Variants in IYD observed in about 807,000 individuals in gnomAD.
The protein encoded by IYD is iodotyrosine deiodinase 1.
IYD carries 25 observed loss-of-function variants against 28.4 expected under a neutral mutation model. The observed-to-expected ratio is 0.88, with a 90% CI of 0.64 to 1.23. IYD has a LOEUF of 1.23. IYD is among the 50% of genes most tolerant of loss of function. The pLI is 0.00. For synonymous variants in IYD, 140 were observed against 130.8 expected, an observed-to-expected ratio of 1.07 and a Z score of -0.48; for missense variants, 352 against 357.9, an observed-to-expected ratio of 0.98 and a Z score of 0.13.
At chr6:150,378,240 A>C (rs1777519685) in intron 1 of IYD, among the ~76,000 whole-genome samples, 1 of 150,660 alleles carries the variant, frequency 6.6e-6, no homozygotes, top group Non-Finnish European at 1.5e-5. Flanking sequence ...CAGGTTAGTT[A>C]CATATGTATA....
At chr6:150,390,802 GA>G in intron 2 of IYD, among the ~76,000 whole-genome samples, 1 of 152,166 alleles carries the variant, frequency 6.6e-6, no homozygotes, top group Non-Finnish European at 1.5e-5. Flanking sequence ...CACAGGAATT[GA>G]GGCTCCTTGG....
intron 4 of IYD, chr6:150,396,575 C>A: frequency 1.5e-6 from 1 of 650,874 alleles, no homozygotes. Context: ...AATATTTTCT[C>A]AAAAAAGTTT....
In IYD at chr6:150,372,248, G is replaced by C. The variant is rs140401476; in HGVS notation, c.178+3039G>C. Among the ~76,000 whole-genome samples, 43 of 151,892 alleles carry C rather than the reference G, an allele frequency of 2.8e-4. No homozygotes were observed. The East Asian group carries it at 5.8e-3, about 21-fold the overall frequency. On this transcript the variant is annotated intron_variant, in intron 1 of 4. Coordinates refer to ENST00000344419, the MANE Select transcript of IYD (RefSeq NM_203395.3). Reference sequence around the variant, plus strand: ...TGTTCACAGGTCAGAGAATCGGCATGTGTGTGTGTGGGTGGGTTGTGGGGT... The same window carrying C: ...TGTTCACAGGTCAGAGAATCGGCATCTGTGTGTGTGGGTGGGTTGTGGGGT...
intron 4 of IYD, 48 bp from the exon 5 acceptor site, chr6:150,398,003 GCAGT>G: frequency 6.5e-7 from 1 of 1,540,638 alleles, no homozygotes; most frequent in East Asian, 2.2e-5. Context: ...TAGAGGGAGA[GCAGT>G]CATTCTGCCT....
intron 1 of IYD, among the ~76,000 whole-genome samples, chr6:150,371,393 A>T (rs1273158332): frequency 6.6e-6 from 1 of 152,182 alleles, no homozygotes; most frequent in African/African-American, 2.4e-5. Flanking sequence ...TGGGAGAATG[A>T]CCTAGAATGG....
At chr6:150,376,691 T>C (rs772227348) in intron 1 of IYD, among the ~76,000 whole-genome samples, 3 of 152,038 alleles carry the variant, frequency 2.0e-5, no homozygotes, top group African/African-American at 4.8e-5. Context: ...AGTGGCATGA[T>C]CATAGCTCAC....
chr6:150,388,290 G>C (rs1777953261), intron 1 of IYD, among the ~76,000 whole-genome samples: 1 of 152,026 alleles, frequency 6.6e-6, no homozygotes, highest in African/African-American at 2.4e-5. Flanking sequence ...TGTGGGCCTG[G>C]GCTTTGATAT....
At chr6:150,379,571 T>G (rs190952027) in intron 1 of IYD, among the ~76,000 whole-genome samples, 3 of 152,348 alleles carry the variant, frequency 2.0e-5, no homozygotes, top group Admixed American at 2.0e-4. Context: ...CATACATACA[T>G]TTGCTGCTTT....
At chr6:150,369,771 G>C (rs974923210) in intron 1 of IYD, among the ~76,000 whole-genome samples, 1 of 152,206 alleles carries the variant, frequency 6.6e-6, no homozygotes, top group African/African-American at 2.4e-5. Context: ...CTGGGAGTTT[G>C]ACGGTGCAGT....
Position 150,398,181 on chromosome 6 carries a change from GCC to G in IYD, c.815_816del (p.Ala272AspfsTer4). ...CCCCGTGGGGTACCCCAGCAAGGAG[GCC>G]ACGGTGCCTGACCTCAAGCGCAAAC... ...LLPVGYPSKE[A>X]TVPDLKRKPL... is the part of the protein sequence containing the mutation. On this transcript the variant is annotated frameshift_variant, in exon 5 of 5. Coordinates refer to ENST00000344419, the MANE Select transcript of IYD (RefSeq NM_203395.3). LOFTEE classifies it high-confidence loss of function. The G allele has an allele frequency of 6.2e-7, 1 of 1,614,164 alleles. No individual in the cohort carries two copies. Among genetic ancestry groups the G allele is most frequent in the Non-Finnish European group, 8.5e-7 (1 of 1,180,024 alleles).
At position 150,398,698 on chromosome 6, in the gene IYD, T is replaced by A. The variant is rs1032709150; in HGVS notation, c.*461T>A. The A allele has an allele frequency of 1.9e-5, 3 of 155,716 alleles. No homozygotes were observed. Among genetic ancestry groups the A allele is most frequent in the African/African-American group, 7.6e-5 (3 of 39,362 alleles). 9.6% of individuals were successfully genotyped at this position (155,716 alleles called of 1,614,324 possible). ...TTTTTGAGAACTACTTTTTTTTTTT[T>A]ACCAAACTTCAGGGACACTCTGCTA... On this transcript the variant is annotated 3_prime_UTR_variant, in exon 5 of 5. Coordinates refer to ENST00000344419, the MANE Select transcript of IYD (RefSeq NM_203395.3).
chr6:150,393,446 C>T (rs1778198403), intron 3 of IYD, among the ~76,000 whole-genome samples: 2 of 152,144 alleles, frequency 1.3e-5, no homozygotes, highest in Admixed American at 1.3e-4. Flanking sequence ...AAGTGAGTTT[C>T]GTGTGCTTTG....
rs863223276 is a variant in IYD, at chr6:150,389,486, TTCA to T, written c.315_317del (p.Phe105_Ile106delinsLeu). The T allele has an allele frequency of 2.5e-4, 403 of 1,613,976 alleles. No individual in the cohort carries two copies. The highest frequency in any genetic ancestry group is 3.2e-4 in the Non-Finnish European group (382 of 1,179,996). On this transcript the variant is annotated inframe_deletion, in exon 2 of 5. Coordinates refer to ENST00000344419, the MANE Select transcript of IYD (RefSeq NM_203395.3). ...TCTCAATAAGAGACGGTCAGTCAGGTTCATAAGTAATGAGCAAGTCCCAATGGA... is the reference window on the plus strand; with the variant it reads ...TCTCAATAAGAGACGGTCAGTCAGGTTAAGTAATGAGCAAGTCCCAATGGA...
In IYD at chr6:150,398,729, G is replaced by T. The variant is rs1024656550; in HGVS notation, c.*492G>T. ...ACTTCAGGGACACTCTGCTAGTTTT[G>T]AATAAGTAACCATCAAAGTTACTAA... On this transcript the variant is annotated 3_prime_UTR_variant, in exon 5 of 5. Coordinates refer to ENST00000344419, the MANE Select transcript of IYD (RefSeq NM_203395.3). The T allele has an allele frequency of 3.2e-5, 5 of 156,388 alleles. No homozygotes were observed. The highest frequency in any genetic ancestry group is 7.0e-5 in the Non-Finnish European group (5 of 71,028). The allele number at this position is 156,388 out of a possible 1,614,324, so 9.7% of individuals were successfully genotyped here. A position where few individuals can be genotyped will look rare whatever the true frequency, so the allele number is the denominator to read the frequency against.
chr6:150,375,804 A>G (rs1005252100), intron 1 of IYD, among the ~76,000 whole-genome samples: 2 of 152,166 alleles, frequency 1.3e-5, no homozygotes, highest in African/African-American at 2.4e-5. Flanking sequence ...CCTCACCTTC[A>G]AAATCTGCAT....
At chr6:150,388,630 G>GCTTGCTTTCTTTCTTTCTTTCTTT (rs1490791585) in intron 1 of IYD, among the ~76,000 whole-genome samples, 2 of 129,408 alleles carry the variant, frequency 1.5e-5, no homozygotes, top group African/African-American at 6.2e-5. Flanking sequence ...TGGAGTTTTT[G>GCTTGCTTTCTTTCTTTCTTTCTTT]CTTTCTTTCT....
At chr6:150,369,245 C>T (rs371640386) in intron 1 of IYD, 36 bp downstream of exon 1, 28 of 1,597,622 alleles carry the variant, frequency 1.8e-5, no homozygotes, top group Middle Eastern at 2.2e-4. Context: ...GCTTCGCTGT[C>T]GTGTTGTGTT....
chr6:150,388,464 C>T (rs918250066), intron 1 of IYD, among the ~76,000 whole-genome samples: 3 of 152,032 alleles, frequency 2.0e-5, no homozygotes, highest in Non-Finnish European at 2.9e-5. Context: ...GTAGGCTCAA[C>T]GATTTTAAAA....
chr6:150,395,985 A>C (rs1778297973), intron 4 of IYD: 2 of 365,302 alleles, frequency 5.5e-6, no homozygotes, highest in Non-Finnish European at 9.9e-6. Flanking sequence ...CTGTAGTCAT[A>C]GGAACTTGCC....
Sources: allele counts gnomAD v4.1 joint callset (sites outside exome capture counted in the v4.1 genomes callset), GRCh38; gene constraint gnomAD v4.1.1; transcripts MANE v1.5; gene names NCBI Gene and HGNC (gene_info 2026-07-23, HGNC 2026-07-21).